The following ABCG4 variants were observed in gnomAD, a reference collection of about 807,000 sequenced individuals.
ABCG4 encodes the protein ATP binding cassette subfamily G member 4.
Under a neutral mutation model 64.6 loss-of-function variants are expected in ABCG4, and 35 were observed. The ratio of observed to expected loss-of-function variants is 0.54; its 90% CI spans 0.41 to 0.72. The LOEUF (loss-of-function observed/expected upper bound fraction) is 0.72, where lower values mean the gene tolerates loss of function less well. Among genes scored for constraint, ABCG4 ranks in the 30% least tolerant of loss-of-function variants. The probability of loss-of-function intolerance (pLI) is 0.00; values close to 1 mark genes in which losing one functional copy is unlikely to be tolerated. For synonymous variants in ABCG4, 326 were observed against 348.2 expected (o/e 0.94, Z 0.71); for missense variants, 610 against 846.3 (o/e 0.72, Z 3.46).
Position 119,160,182 on chromosome 11 carries a change from G to A in ABCG4, c.1438-45G>A, listed in dbSNP as rs1293454323. 6.3e-7 allele frequency: 1 copy of A among 1,576,628 alleles called. No individual in the cohort carries two copies. On this transcript the variant is annotated intron_variant, in intron 12 of 14. Coordinates refer to ENST00000619701, the MANE Select transcript of ABCG4 (RefSeq NM_022169.5). This position sits in a 1 kb window ranked among gnomAD's most constrained non-coding sequence, Gnocchi z 4.6. Reference sequence around the variant, plus strand: ...GTGGAGTGGAGGTCTTGGCTGCTGTGCCCCTGGCTTGAAGTCCACTGTCCA... The same window carrying A: ...GTGGAGTGGAGGTCTTGGCTGCTGTACCCCTGGCTTGAAGTCCACTGTCCA...
At position 119,150,428 on chromosome 11, in the gene ABCG4, T is replaced by C. The variant is rs1948180882; in HGVS notation, c.238+225T>C. Among the ~76,000 whole-genome samples, 1 of 152,218 alleles carries C rather than the reference T, an allele frequency of 6.6e-6. No individual in the cohort carries two copies. The highest frequency in any genetic ancestry group is 2.4e-5 in the African/African-American group (1 of 41,456). The stretch of plus-strand genomic sequence containing the variant: ...ATGGGATACTAGGTGCAATTGGTTA[T>C]TGAAGCTGTATCTTCTAAAGAGATC... On this transcript the variant is annotated intron_variant, in intron 2 of 14. Coordinates refer to ENST00000619701, the MANE Select transcript of ABCG4 (RefSeq NM_022169.5). The surrounding 1 kb of genome is among the most constrained non-coding windows in gnomAD (Gnocchi z 4.3).
chr11:119,152,752 C>G (rs1284768063), intron 2 of ABCG4: 1 of 152,228 alleles, frequency 6.6e-6, no homozygotes, highest in Non-Finnish European at 1.5e-5. Context: ...GCCTAGAAGG[C>G]CTCTGCTTTC....
In ABCG4 at chr11:119,160,212, G is replaced by A. The variant is rs778321970; in HGVS notation, c.1438-15G>A. ...TGGCTTGAAGTCCACTGTCCAGCCCGTGCCCACTCCCCAGGTGGTGTGTCC... is the reference window on the plus strand; with the variant it reads ...TGGCTTGAAGTCCACTGTCCAGCCCATGCCCACTCCCCAGGTGGTGTGTCC... On this transcript the variant is annotated splice_polypyrimidine_tract_variant and intron_variant, in intron 12 of 14. Transcript: ENST00000619701. The surrounding 1 kb of genome is among the most constrained non-coding windows in gnomAD (Gnocchi z 4.6). The A allele has an allele frequency of 2.4e-5, 38 of 1,600,424 alleles. No individual in the cohort carries two copies. The Middle Eastern group carries it at 8.3e-4, about 35-fold the overall frequency.
At chr11:119,152,625 T>A (rs1309185933) in intron 2 of ABCG4, among the ~76,000 whole-genome samples, 2 of 152,158 alleles carry the variant, frequency 1.3e-5, no homozygotes, top group Non-Finnish European at 2.9e-5. Context: ...GGTGGCTTCA[T>A]CCTTCCCCTC....
Position 119,161,016 on chromosome 11 carries a change from C to T in ABCG4, c.1851C>T (p.Tyr617=). The change falls in exon 15 of 15, where the codon TAC becomes TAT. Residue 617 remains tyrosine (Y), a synonymous_variant. Transcript: ENST00000619701. The part of the protein sequence containing the change: ...RALDVEDAKL[Y]MDFLVLGIFF... Reference sequence around the variant, plus strand: ...TGGATGTGGAGGATGCCAAGCTCTACATGGACTTCCTGGTCTTGGGCATCT... The same window carrying T: ...TGGATGTGGAGGATGCCAAGCTCTATATGGACTTCCTGGTCTTGGGCATCT... The T allele has an allele frequency of 1.2e-6, 2 of 1,614,110 alleles. No individual in the cohort carries two copies. The highest frequency in any genetic ancestry group is 1.7e-6 in the Non-Finnish European group (2 of 1,179,998).
Position 119,158,816 on chromosome 11 carries a change from C to A in ABCG4, c.1337-13C>A. On this transcript the variant is annotated splice_polypyrimidine_tract_variant and intron_variant, in intron 11 of 14. Coordinates refer to ENST00000619701, the MANE Select transcript of ABCG4 (RefSeq NM_022169.5). The surrounding 1 kb of genome is among the most constrained non-coding windows in gnomAD (Gnocchi z 4.5). The stretch of plus-strand genomic sequence containing the variant: ...GTGTCGGCCGGGTGTGCCTAAGCAG[C>A]CTGTGTCCTCAGTCCCCTTAGAGAT... The A allele has an allele frequency of 6.2e-7, 1 of 1,614,092 alleles. No homozygotes were observed. The highest frequency in any genetic ancestry group is 8.5e-7 in the Non-Finnish European group (1 of 1,179,932).
In ABCG4 at chr11:119,156,183, CCTG is replaced by C. The variant is rs1039968443; in HGVS notation, c.687-145_687-143del. ...TGGCTTCTGGGTATCCCTCCAAGTGCCTGAACCGTAAAGGATACAGATGCGGCC... is the reference window on the plus strand; with the variant it reads ...TGGCTTCTGGGTATCCCTCCAAGTGCAACCGTAAAGGATACAGATGCGGCC... On this transcript the variant is annotated intron_variant, in intron 6 of 14. Coordinates refer to ENST00000619701, the MANE Select transcript of ABCG4 (RefSeq NM_022169.5). The surrounding 1 kb of genome is among the most constrained non-coding windows in gnomAD (Gnocchi z 5.5). 2 of 1,083,500 alleles carry C rather than the reference CCTG, an allele frequency of 1.8e-6. No individual in the cohort carries two copies. Among genetic ancestry groups the C allele is most frequent in the Non-Finnish European group, 1.4e-6 (1 of 740,114 alleles). The allele number at this position is 1,083,500 out of a possible 1,614,324, so 67.1% of individuals were successfully genotyped here. A position where few individuals can be genotyped will look rare whatever the true frequency, so the allele number is the denominator to read the frequency against.
At chr11:119,152,092 GATCACTTCCT>G (rs1343128294) in intron 2 of ABCG4, among the ~76,000 whole-genome samples, 11 of 152,218 alleles carry the variant, frequency 7.2e-5, no homozygotes, top group African/African-American at 2.7e-4. Flanking sequence ...TCCTGCAAGA[GATCACTTCCT>G]GTGAGTGGCT....
In ABCG4 at chr11:119,154,068, G is replaced by T. The variant is rs145297995; in HGVS notation, c.281G>T (p.Arg94Leu). 2.5e-6 allele frequency: 4 copies of T among 1,614,192 alleles called. No individual in the cohort carries two copies. Among genetic ancestry groups the T allele is most frequent in the Admixed American group, 1.7e-5 (1 of 60,024 alleles). Residue 94 changes from arginine (R) to leucine (L), a missense_variant, in exon 3 of 15, where the codon CGC becomes CTC. Physicochemically the swap from Arg to Leu is moderately radical, Grantham distance 102. Transcript: ENST00000619701. This position sits in a 1 kb window ranked among gnomAD's most constrained non-coding sequence, Gnocchi z 7.0. The stretch of plus-strand genomic sequence containing the variant: ...AAGTGCCTCTCAGGTAAATTCTGCC[G>T]CCGGGAGCTGATTGGCATCATGGGC... The part of the protein sequence containing the change: ...LLKCLSGKFC[R>L]RELIGIMGPS...
rs760877543 is a variant in ABCG4, at chr11:119,154,576, G to T, written c.540+1G>T. 6.2e-7 allele frequency: 1 copy of T among 1,613,244 alleles called. No homozygotes were observed. The highest frequency in any genetic ancestry group is 8.5e-7 in the Non-Finnish European group (1 of 1,179,744). ...GAAGCAGGAGGTGAAGAAGGAGCTG[G>T]TGAGTGGGGAAGGGAGGCAGTGGGA... On this transcript the variant is annotated splice_donor_variant, in intron 5 of 14. Coordinates refer to ENST00000619701, the MANE Select transcript of ABCG4 (RefSeq NM_022169.5). LOFTEE classifies it high-confidence loss of function. This position sits in a 1 kb window ranked among gnomAD's most constrained non-coding sequence, Gnocchi z 7.0.
In ABCG4 at chr11:119,149,609, T is replaced by C; in HGVS notation, c.-13+246T>C. The C allele has an allele frequency of 7.0e-6, 2 of 286,660 alleles. No homozygotes were observed. The highest frequency in any genetic ancestry group is 1.1e-4 in the South Asian group (2 of 18,680). The allele number at this position is 286,660 out of a possible 1,614,324, so 17.8% of individuals were successfully genotyped here. On this transcript the variant is annotated intron_variant, in intron 1 of 14. Transcript: ENST00000619701. This position sits in a 1 kb window ranked among gnomAD's most constrained non-coding sequence, Gnocchi z 8.3. ...CACTCACCCTGCTACCCCGACCTCC[T>C]AGAGCGGGCAGCCTCTGCCGGCTGC...
chr11:119,158,124 A>C lies in ABCG4; in HGVS notation c.1069-110A>C. The C allele has an allele frequency of 1.2e-6, 1 of 821,068 alleles. No homozygotes were observed. Among genetic ancestry groups the C allele is most frequent in the Non-Finnish European group, 1.9e-6 (1 of 513,664 alleles). The allele number at this position is 821,068 out of a possible 1,614,324, so 50.9% of individuals were successfully genotyped here. ...GGTACAAGATTCTCTGTAGACCTGG[A>C]GGACCCCTACCCTGGGGAAGAGCTC... On this transcript the variant is annotated intron_variant, in intron 9 of 14. Coordinates refer to ENST00000619701, the MANE Select transcript of ABCG4 (RefSeq NM_022169.5). This position sits in a 1 kb window ranked among gnomAD's most constrained non-coding sequence, Gnocchi z 4.5.
At position 119,154,258 on chromosome 11, in the gene ABCG4, AGG is replaced by A. The variant is rs901251459; in HGVS notation, c.357_358del (p.Glu120ValfsTer10). 1.9e-6 allele frequency: 3 copies of A among 1,614,132 alleles called. No homozygotes were observed. The highest frequency in any genetic ancestry group is 2.5e-6 in the Non-Finnish European group (3 of 1,179,984). ...CCCCATCCTCAACCCACATCCCTGC[AGG>A]GAGTCTGGAATGAAGGGGCAGATCC... On this transcript the variant is annotated splice_acceptor_variant and coding_sequence_variant, in exon 4 of 15. Transcript: ENST00000619701. LOFTEE classifies it high-confidence loss of function. The surrounding 1 kb of genome is among the most constrained non-coding windows in gnomAD (Gnocchi z 7.0).
At position 119,154,479 on chromosome 11, in the gene ABCG4, A is replaced by G; in HGVS notation, c.490-46A>G. On this transcript the variant is annotated intron_variant, in intron 4 of 14. Transcript: ENST00000619701. This position sits in a 1 kb window ranked among gnomAD's most constrained non-coding sequence, Gnocchi z 7.0. The stretch of plus-strand genomic sequence containing the variant: ...ACCATTGGCGGAGGGTTCAAGGCAG[A>G]GCTCCCTCCCACACATACTTTTCTT... 6.2e-7 allele frequency: 1 copy of G among 1,613,992 alleles called. No homozygotes were observed. The highest frequency in any genetic ancestry group is 8.5e-7 in the Non-Finnish European group (1 of 1,179,964).
intron 9 of ABCG4, among the ~76,000 whole-genome samples, chr11:119,157,872 A>G (rs2135126329): frequency 6.6e-6 from 1 of 152,350 alleles, no homozygotes; most frequent in South Asian, 2.1e-4. Flanking sequence ...TCTCAAAAAC[A>G]AAACAAAACA....
chr11:119,154,563 G>A lies in ABCG4; in HGVS notation c.528G>A (p.Val176=). 6.2e-7 allele frequency: 1 copy of A among 1,613,536 alleles called. No individual in the cohort carries two copies. Among genetic ancestry groups the A allele is most frequent in the Middle Eastern group, 1.7e-4 (1 of 6,050 alleles). The stretch of plus-strand genomic sequence containing the variant: ...TGAAGCTGAGTGAGAAGCAGGAGGT[G>A]AAGAAGGAGCTGGTGAGTGGGGAAG... ...ANLKLSEKQE[V]KKELVTEILT... Residue 176 remains valine (V), a synonymous_variant, in exon 5 of 15, where the codon GTG becomes GTA. Transcript: ENST00000619701. This position sits in a 1 kb window ranked among gnomAD's most constrained non-coding sequence, Gnocchi z 7.0.
At position 119,154,279 on chromosome 11, in the gene ABCG4, C is replaced by A. The variant is rs1471929293; in HGVS notation, c.376C>A (p.Gln126Lys). ...AGYRESGMKG[Q>K]ILVNGRPREL... ...CTGCAGGGAGTCTGGAATGAAGGGG[C>A]AGATCCTGGTTAATGGAAGGCCACG... The change falls in exon 4 of 15, where the codon CAG becomes AAG. Residue 126 changes from glutamine (Q) to lysine (K), a missense_variant. Physicochemically the swap from Gln to Lys is moderately conservative, Grantham distance 53. Transcript: ENST00000619701. The surrounding 1 kb of genome is among the most constrained non-coding windows in gnomAD (Gnocchi z 7.0). 1.9e-6 allele frequency: 3 copies of A among 1,614,062 alleles called. No individual in the cohort carries two copies. Among genetic ancestry groups the A allele is most frequent in the Non-Finnish European group, 1.7e-6 (2 of 1,180,024 alleles).
chr11:119,156,292 A>C lies in ABCG4; in HGVS notation c.687-37A>C, dbSNP rs755431929. 2 of 1,613,392 alleles carry C rather than the reference A, an allele frequency of 1.2e-6. No homozygotes were observed. Among genetic ancestry groups the C allele is most frequent in the African/African-American group, 2.7e-5 (2 of 74,816 alleles). On this transcript the variant is annotated intron_variant, in intron 6 of 14. Coordinates refer to ENST00000619701, the MANE Select transcript of ABCG4 (RefSeq NM_022169.5). The surrounding 1 kb of genome is among the most constrained non-coding windows in gnomAD (Gnocchi z 5.5). ...ACACTCCCTTCTTTTGGCCTCACCC[A>C]CCTCACGTGGCCCCCTGGTGGCCTC...
In ABCG4 at chr11:119,158,142, A is replaced by C; in HGVS notation, c.1069-92A>C. 95 of 969,786 alleles carry C rather than the reference A, an allele frequency of 9.8e-5. No individual in the cohort carries two copies. Among genetic ancestry groups the C allele is most frequent in the Non-Finnish European group, 1.3e-4 (85 of 646,854 alleles). The allele number at this position is 969,786 out of a possible 1,614,324, so 60.1% of individuals were successfully genotyped here. ...GACCTGGAGGACCCCTACCCTGGGG[A>C]AGAGCTCTGAGGTTTTTCATTCACT... On this transcript the variant is annotated intron_variant, in intron 9 of 14. Coordinates refer to ENST00000619701, the MANE Select transcript of ABCG4 (RefSeq NM_022169.5). This position sits in a 1 kb window ranked among gnomAD's most constrained non-coding sequence, Gnocchi z 4.5.
Sources: allele counts gnomAD v4.1 joint callset (sites outside exome capture counted in the v4.1 genomes callset), GRCh38; gene constraint gnomAD v4.1.1; non-coding constraint Gnocchi (gnomAD v3.1); transcripts MANE v1.5; gene names NCBI Gene and HGNC (gene_info 2026-07-23, HGNC 2026-07-21).